ANXA13: variants seen among roughly 807,000 people sequenced by gnomAD.
The protein encoded by ANXA13 is annexin A13, also known as annexin XIII.
Under a neutral mutation model 46.6 loss-of-function variants are expected in ANXA13, and 36 were observed. That is an observed-to-expected ratio of 0.77 (90% CI 0.59 to 1.02). The LOEUF (loss-of-function observed/expected upper bound fraction) is 1.02. Among genes scored for constraint, ANXA13 ranks in the 50% least tolerant of loss-of-function variants. The pLI, the probability that ANXA13 is intolerant of heterozygous loss-of-function variation, is 0.00. For missense variants in ANXA13, 417 were observed against 396.5 expected, an observed-to-expected ratio of 1.05 and a Z score of -0.44; for synonymous variants, 163 against 152.9, an observed-to-expected ratio of 1.07 and a Z score of -0.49.
intron 1 of ANXA13, among the ~76,000 whole-genome samples, chr8:123,734,179 A>G (rs1021415116): frequency 2.0e-5 from 3 of 152,168 alleles, no homozygotes; most frequent in Non-Finnish European, 4.4e-5. Context: ...CAATGGCTCT[A>G]CTAGGTCTCC....
At chr8:123,736,498 T>A (rs11989549) in intron 1 of ANXA13, among the ~76,000 whole-genome samples, 12,937 of 152,238 alleles carry the variant, frequency 0.085, 1,767 homozygotes, top group African/African-American at 0.29. Flanking sequence ...GAAATGTAAA[T>A]TATTAAGTCC....
chr8:123,727,153 G>C (rs774637097), intron 1 of ANXA13, among the ~76,000 whole-genome samples: 1 of 152,078 alleles, frequency 6.6e-6, no homozygotes, highest in Non-Finnish European at 1.5e-5. Context: ...GACCACTGAA[G>C]AACTTACTCA....
At chr8:123,731,472 T>C (rs1321347520) in intron 1 of ANXA13, among the ~76,000 whole-genome samples, 1 of 152,214 alleles carries the variant, frequency 6.6e-6, no homozygotes, top group Non-Finnish European at 1.5e-5. Context: ...TTATTAAGCA[T>C]CTACCATGCT....
In ANXA13 at chr8:123,718,029, C is replaced by T. The variant is rs141236213; in HGVS notation, c.16-5276G>A. On this transcript the variant is annotated intron_variant, in intron 1 of 10. Coordinates refer to ENST00000419625, the MANE Select transcript of ANXA13 (RefSeq NM_004306.4). ...AGTAAAGCCATGTTGAAACTCCCTG[C>T]GATTCCTCGAGTGTTTTTCCAGCTG... Among the ~76,000 whole-genome samples the T allele has an allele frequency of 4.6e-5, 7 of 152,344 alleles. No homozygotes were observed. In the South Asian group the frequency reaches 1.4e-3, roughly 32 times the overall value.
rs1813031038 is a variant in ANXA13, at chr8:123,681,256, A to T, written c.935T>A (p.Val312Glu). Reference sequence around the variant, plus strand: ...TGGCTTGGCTCAGTGCAAGAGGGCTACTAGCAGTTTCCGGAAGTCCCCGGA... The same window carrying T: ...TGGCTTGGCTCAGTGCAAGAGGGCTTCTAGCAGTTTCCGGAAGTCCCCGGA... ...DTSGDFRKLL[V>E]ALLH The change falls in exon 11 of 11, where the codon GTA becomes GAA. Residue 312 changes from valine (V) to glutamate (E), a missense_variant. By Grantham distance (121) the Val-to-Glu change is moderately radical. Coordinates refer to ENST00000419625, the MANE Select transcript of ANXA13 (RefSeq NM_004306.4). 1 of 1,613,856 alleles carries T rather than the reference A, an allele frequency of 6.2e-7. No homozygotes were observed. Among genetic ancestry groups the T allele is most frequent in the Non-Finnish European group, 8.5e-7 (1 of 1,179,912 alleles).
intron 2 of ANXA13, chr8:123,712,462 C>T (rs1480858664): frequency 1.7e-6 from 1 of 576,616 alleles, no homozygotes; most frequent in Non-Finnish European, 3.1e-6. Flanking sequence ...TCACAATATC[C>T]AACTCCTAGC....
At chr8:123,717,816 AG>A (rs1270873979) in intron 1 of ANXA13, among the ~76,000 whole-genome samples, 1 of 152,270 alleles carries the variant, frequency 6.6e-6, no homozygotes, top group Non-Finnish European at 1.5e-5. Context: ...TTTGGAGTGC[AG>A]ATGCACAAGT....
At chr8:123,691,064 G>T (rs1163321622) in intron 8 of ANXA13, among the ~76,000 whole-genome samples, 4 of 152,218 alleles carry the variant, frequency 2.6e-5, no homozygotes, top group Non-Finnish European at 4.4e-5. Context: ...TGATGCAGAA[G>T]TTTGGGAAAC....
intron 8 of ANXA13, 151 bp from the exon 9 acceptor site, chr8:123,689,097 T>C (rs1749413188): frequency 1.4e-6 from 1 of 696,532 alleles, no homozygotes; most frequent in Non-Finnish European, 2.5e-6. Context: ...CTTGTAGGAT[T>C]GGGGTGTTTG....
chr8:123,715,777 C>T (rs1813748996), intron 1 of ANXA13, among the ~76,000 whole-genome samples: 1 of 152,196 alleles, frequency 6.6e-6, no homozygotes, highest in Non-Finnish European at 1.5e-5. Context: ...ATCACCTGGC[C>T]AGGCAGCGGT....
At chr8:123,684,876 A>G (rs1370592892) in intron 9 of ANXA13, among the ~76,000 whole-genome samples, 154 bp from the exon 10 acceptor site, 1 of 152,196 alleles carries the variant, frequency 6.6e-6, no homozygotes, top group Non-Finnish European at 1.5e-5. Context: ...GCGAAATGAG[A>G]TTTGGAAGAT....
chr8:123,691,773 G>T (rs1466076738), intron 8 of ANXA13, among the ~76,000 whole-genome samples: 1 of 152,200 alleles, frequency 6.6e-6, no homozygotes, highest in Non-Finnish European at 1.5e-5. Context: ...GTCTGGTGGG[G>T]ACTGAGAATT....
At chr8:123,724,622 ATGAAATCTTAAAG>A (rs1813947470) in intron 1 of ANXA13, among the ~76,000 whole-genome samples, 1 of 152,224 alleles carries the variant, frequency 6.6e-6, no homozygotes, top group Admixed American at 6.5e-5. Context: ...GAGGTTTAGC[ATGAAATCTTAAAG>A]TGAAAATTGA....
intron 2 of ANXA13, among the ~76,000 whole-genome samples, chr8:123,707,639 G>C (rs927373615): frequency 4.6e-5 from 7 of 152,062 alleles, no homozygotes; most frequent in Non-Finnish European, 8.8e-5. Context: ...AGTGAGAGTT[G>C]AACAATGAGA....
At chr8:123,721,945 TTG>T (rs1292735734) in intron 1 of ANXA13, among the ~76,000 whole-genome samples, 1 of 152,182 alleles carries the variant, frequency 6.6e-6, no homozygotes, top group African/African-American at 2.4e-5. Flanking sequence ...AACTCTACTA[TTG>T]ACTTCTCATT....
intron 5 of ANXA13, 37 bp from the exon 6 acceptor site, chr8:123,695,618 T>A (rs1347238466): frequency 6.2e-7 from 1 of 1,610,550 alleles, no homozygotes; most frequent in Non-Finnish European, 8.5e-7. Flanking sequence ...AGAAAGCAGA[T>A]GATTTAGTTT....
At position 123,711,150 on chromosome 8, in the gene ANXA13, C is replaced by T. The variant is rs1431511568; in HGVS notation, c.91+1528G>A. ...CTGCTACTCAAGGGCTATTTCAAGC[C>T]ACCACTCAAGCCCCATACTCCATTG... On this transcript the variant is annotated intron_variant, in intron 2 of 10. Transcript: ENST00000419625. Among the ~76,000 whole-genome samples, 4 of 152,182 alleles carry T rather than the reference C, an allele frequency of 2.6e-5. No individual in the cohort carries two copies. The East Asian group carries it at 7.7e-4, about 29-fold the overall frequency.
chr8:123,737,125 T>G (rs1013756274), intron 1 of ANXA13, among the ~76,000 whole-genome samples, 195 bp downstream of exon 1: 18 of 151,896 alleles, frequency 1.2e-4, no homozygotes, highest in African/African-American at 4.1e-4. Flanking sequence ...CCTTGCAAAG[T>G]GCTGGGAGTA....
chr8:123,734,965 A>G (rs1243843892), intron 1 of ANXA13, among the ~76,000 whole-genome samples: 3 of 151,996 alleles, frequency 2.0e-5, no homozygotes. Context: ...GTCCCACGGC[A>G]TTACAAGGAG....
Sources: gnomAD v4.1 joint callset for allele counts (sites outside exome capture counted in the v4.1 genomes callset) on GRCh38, gnomAD v4.1.1 for gene constraint, MANE v1.5 for transcripts, NCBI Gene and HGNC (gene_info 2026-07-23, HGNC 2026-07-21) for gene names.